EYS: variants seen among roughly 807,000 people sequenced by gnomAD.
EYS encodes protein eyes shut homolog.
Under a neutral mutation model 282.1 loss-of-function variants are expected in EYS, and 250 were observed. The ratio of observed to expected loss-of-function variants is 0.89; its 90% CI spans 0.80 to 0.98. EYS has a LOEUF of 0.98. Among genes scored for constraint, EYS ranks in the 50% least tolerant of loss-of-function variants. The probability of loss-of-function intolerance (pLI) is 0.00; values close to 1 mark genes in which losing one functional copy is unlikely to be tolerated. For missense variants in EYS, 4,016 were observed against 3,709.0 expected (o/e 1.08, Z -2.15); for synonymous variants, 1,355 against 1,282.9 (o/e 1.06, Z -1.20).
At chr6:65,021,915 C>T (rs1772263357) in intron 13 of EYS, among the ~76,000 whole-genome samples, 2 of 152,078 alleles carry the variant, frequency 1.3e-5, no homozygotes, top group Non-Finnish European at 2.9e-5. Context: ...ATCATCACAC[C>T]TTGTGAGAAC....
chr6:63,788,654 C>G (rs1253049887), intron 38 of EYS, among the ~76,000 whole-genome samples: 1 of 152,170 alleles, frequency 6.6e-6, no homozygotes, highest in Non-Finnish European at 1.5e-5. Context: ...AACTTCTTAG[C>G]ACATCTAAGC....
intron 8 of EYS, among the ~76,000 whole-genome samples, chr6:65,364,665 A>G (rs563837877): frequency 1.1e-4 from 16 of 151,646 alleles, no homozygotes; most frequent in Admixed American, 2.0e-4. Flanking sequence ...TTCAGGGACA[A>G]TGTTCTCTCC....
chr6:64,782,117 G>A (rs944229033), intron 22 of EYS, among the ~76,000 whole-genome samples: 6 of 152,302 alleles, frequency 3.9e-5, no homozygotes, highest in South Asian at 4.1e-4. Flanking sequence ...GAAACACTAA[G>A]GTTGGTATTC....
intron 26 of EYS, among the ~76,000 whole-genome samples, chr6:64,493,448 T>A (rs1776794428): frequency 6.6e-6 from 1 of 151,550 alleles, no homozygotes; most frequent in African/African-American, 2.4e-5. Context: ...GATAGAAATG[T>A]AGAACATTTG....
At chr6:63,880,993 T>A (rs1180043458) in intron 35 of EYS, among the ~76,000 whole-genome samples, 1 of 151,790 alleles carries the variant, frequency 6.6e-6, no homozygotes, top group Non-Finnish European at 1.5e-5. Context: ...CAAAAGGCAT[T>A]TATACCTAGT....
chr6:63,794,862 GA>G (rs1184891318), intron 37 of EYS, among the ~76,000 whole-genome samples: 1 of 152,150 alleles, frequency 6.6e-6, no homozygotes, highest in Non-Finnish European at 1.5e-5. Context: ...GAATCTTAAT[GA>G]AATCAGCCCT....
At chr6:64,341,712 T>C (rs1037938558) in intron 29 of EYS, among the ~76,000 whole-genome samples, 1 of 151,698 alleles carries the variant, frequency 6.6e-6, no homozygotes, top group Non-Finnish European at 1.5e-5. Context: ...TCATCCCAAC[T>C]ACTCCCACTA....
At chr6:65,416,858 G>A (rs923459882) in intron 5 of EYS, among the ~76,000 whole-genome samples, 1 of 151,926 alleles carries the variant, frequency 6.6e-6, no homozygotes, top group African/African-American at 2.4e-5. Context: ...TATGGGGAGA[G>A]AAAGAAATGG....
At chr6:64,309,676 C>G (rs1171830116) in intron 29 of EYS, among the ~76,000 whole-genome samples, 2 of 151,592 alleles carry the variant, frequency 1.3e-5, no homozygotes, top group Non-Finnish European at 2.9e-5. Flanking sequence ...TGTAAAAAAA[C>G]AAAAGCTCAG....
chr6:64,098,462 CCTAT>C (rs756881317), intron 31 of EYS, among the ~76,000 whole-genome samples: 1 of 152,024 alleles, frequency 6.6e-6, no homozygotes, highest in Non-Finnish European at 1.5e-5. Flanking sequence ...ATAAAATAAT[CCTAT>C]CTATTATTTA....
chr6:63,809,558 TGAA>T (rs1232594992), intron 36 of EYS, among the ~76,000 whole-genome samples: 2 of 151,976 alleles, frequency 1.3e-5, no homozygotes, highest in African/African-American at 4.8e-5. Context: ...ATTGGAAACA[TGAA>T]GAAAAAAGGG....
In EYS at chr6:64,945,819, G is replaced by A. The variant is rs924694135; in HGVS notation, c.2355C>T (p.Thr785=). The A allele has an allele frequency of 5.2e-6, 8 of 1,549,772 alleles. No homozygotes were observed. The Admixed American group carries it at 1.6e-4, about 30-fold the overall frequency. ...GATAGCTTTTGTAAAGGTCAGTACAGGTGGAATTGTTCTTGCAAGGATTCA... is the reference window on the plus strand; with the variant it reads ...GATAGCTTTTGTAAAGGTCAGTACAAGTGGAATTGTTCTTGCAAGGATTCA... The part of the protein sequence containing the change: ...CKMNPCKNNS[T]CTDLYKSYRC... The change falls in exon 15 of 43, where the codon ACC becomes ACT. Residue 785 remains threonine, a synonymous_variant. Coordinates refer to ENST00000503581, the MANE Select transcript of EYS (RefSeq NM_001142800.2).
intron 7 of EYS, among the ~76,000 whole-genome samples, chr6:65,389,945 A>T (rs1271383151): frequency 6.6e-6 from 1 of 152,098 alleles, no homozygotes; most frequent in Non-Finnish European, 1.5e-5. Context: ...AGGGGGTACT[A>T]GACACAGGAA....
intron 2 of EYS, among the ~76,000 whole-genome samples, chr6:65,525,886 TAAG>T (rs1324230403): frequency 6.6e-6 from 1 of 152,260 alleles, no homozygotes; most frequent in African/African-American, 2.4e-5. Context: ...ACTAATAACA[TAAG>T]AAATGTCTTA....
chr6:64,835,740 C>T (rs1236766948), intron 19 of EYS, among the ~76,000 whole-genome samples: 1 of 151,516 alleles, frequency 6.6e-6, no homozygotes, highest in Non-Finnish European at 1.5e-5. Context: ...ATATTCACTG[C>T]TAAACATTTG....
intron 5 of EYS, among the ~76,000 whole-genome samples, chr6:65,479,926 C>A (rs1765546642): frequency 6.7e-6 from 1 of 149,888 alleles, no homozygotes; most frequent in Non-Finnish European, 1.5e-5. Flanking sequence ...GAGGCCAAGG[C>A]AGGTGGATCA....
chr6:65,530,108 A>C (rs1042589499), intron 2 of EYS, among the ~76,000 whole-genome samples: 2 of 152,202 alleles, frequency 1.3e-5, no homozygotes, highest in Admixed American at 1.3e-4. Context: ...CATTAAAATC[A>C]ATCTCAGGTT....
intron 8 of EYS, among the ~76,000 whole-genome samples, chr6:65,366,524 A>G (rs1764919254): frequency 6.6e-6 from 1 of 151,740 alleles, no homozygotes; most frequent in Admixed American, 6.7e-5. Context: ...AGGACCTATC[A>G]CCATATTTAC....
intron 12 of EYS, among the ~76,000 whole-genome samples, chr6:65,249,547 CT>C (rs34691820): frequency 0.044 from 6,322 of 143,214 alleles, 355 homozygotes; most frequent in African/African-American, 0.14. Context: ...CATAAATATC[CT>C]TTTTTTTTTT....
Sources: gnomAD v4.1 joint callset for allele counts (sites outside exome capture counted in the v4.1 genomes callset) on GRCh38, gnomAD v4.1.1 for gene constraint, MANE v1.5 for transcripts, NCBI Gene and HGNC (gene_info 2026-07-23, HGNC 2026-07-21) for gene names.